ZDHHC4: variants seen among roughly 807,000 people sequenced by gnomAD.
The protein encoded by ZDHHC4 is palmitoyltransferase ZDHHC4.
Under a neutral mutation model 36.7 loss-of-function variants are expected in ZDHHC4, and 42 were observed. The observed-to-expected ratio is 1.14, with a 90% CI of 0.89 to 1.48. The LOEUF is 1.48. ZDHHC4 is among the 40% of genes most tolerant of loss of function. The pLI, the probability that ZDHHC4 is intolerant of heterozygous loss-of-function variation, is 0.00. For missense variants in ZDHHC4, 457 were observed against 421.5 expected, an observed-to-expected ratio of 1.08 and a Z score of -0.74; for synonymous variants, 189 against 166.6, an observed-to-expected ratio of 1.13 and a Z score of -1.03.
intron 6 of ZDHHC4, 181 bp from the exon 7 acceptor site, chr7:6,584,835 C>G (rs1781119674): frequency 1.2e-6 from 1 of 804,322 alleles, no homozygotes; most frequent in Non-Finnish European, 1.9e-6. Context: ...TCAATACCCA[C>G]ATTTGGCTGG....
At chr7:6,583,517 AAGC>A in intron 6 of ZDHHC4, 86 bp downstream of exon 6, 2 of 1,512,506 alleles carry the variant, frequency 1.3e-6, no homozygotes, top group Non-Finnish European at 1.8e-6. Context: ...CTGAATCCGA[AAGC>A]AGAGCCAGTT....
intron 3 of ZDHHC4, among the ~76,000 whole-genome samples, chr7:6,581,284 GA>G (rs1396417441): frequency 6.6e-6 from 1 of 152,210 alleles, no homozygotes; most frequent in South Asian, 2.1e-4. Context: ...GTGGATGCTG[GA>G]ACCTGGGATT....
Position 6,588,695 on chromosome 7 carries a change from C to T in ZDHHC4, c.820C>T (p.Leu274=). Reference sequence around the variant, plus strand: ...TCTGAGCTTCCTCCTGGGTGGCTACCTGTTGTTTGTCCTGTATCTGGCGGC... The same window carrying T: ...TCTGAGCTTCCTCCTGGGTGGCTACTTGTTGTTTGTCCTGTATCTGGCGGC... ...VVLSFLLGGY[L]LFVLYLAATN... Residue 274 remains leucine, a synonymous_variant, in exon 8 of 8, where the codon CTG becomes TTG. Coordinates refer to ENST00000335965, the MANE Select transcript of ZDHHC4 (RefSeq NM_001134389.2). 6.2e-7 allele frequency: 1 copy of T among 1,614,188 alleles called. No homozygotes were observed. The highest frequency in any genetic ancestry group is 8.5e-7 in the Non-Finnish European group (1 of 1,180,042).
At chr7:6,583,686 C>CA (rs1781030190) in intron 6 of ZDHHC4, 2 of 383,574 alleles carry the variant, frequency 5.2e-6, no homozygotes, top group Non-Finnish European at 9.2e-6. Flanking sequence ...ATGCTCCCCA[C>CA]AAGTTGTTTC....
chr7:6,588,630 CTT>C lies in ZDHHC4; in HGVS notation c.758_759del (p.Phe253SerfsTer35), dbSNP rs1781436528. 6.2e-7 allele frequency: 1 copy of C among 1,614,128 alleles called. No homozygotes were observed. The highest frequency in any genetic ancestry group is 8.5e-7 in the Non-Finnish European group (1 of 1,180,020). The stretch of plus-strand genomic sequence containing the variant: ...CTCTGCTCCTAGTACCTGTTCCTGA[CTT>C]TTCCACGGATTGTCTTCATGCTGGG... On this transcript the variant is annotated frameshift_variant, in exon 8 of 8. Coordinates refer to ENST00000335965, the MANE Select transcript of ZDHHC4 (RefSeq NM_001134389.2). LOFTEE classifies it high-confidence loss of function.
intron 6 of ZDHHC4, chr7:6,584,242 G>A (rs1781068918): frequency 6.6e-6 from 1 of 152,026 alleles, no homozygotes; most frequent in Non-Finnish European, 1.5e-5. Context: ...TTGAAATCTG[G>A]TGTGTATCTT....
chr7:6,583,768 C>A lies in ZDHHC4; in HGVS notation c.496+337C>A, dbSNP rs938255143. On this transcript the variant is annotated intron_variant, in intron 6 of 7. Coordinates refer to ENST00000335965, the MANE Select transcript of ZDHHC4 (RefSeq NM_001134389.2). ...CTGGGGAGGGCCCAAGATTCTAGAC[C>A]CGTGCTGTCTAACAAAAATAGAATG... The A allele has an allele frequency of 1.5e-5, 3 of 197,064 alleles. No homozygotes were observed. The East Asian group carries it at 4.1e-4, about 27-fold the overall frequency. The allele number at this position is 197,064 out of a possible 1,614,324, so 12.2% of individuals were successfully genotyped here. A position where few individuals can be genotyped will look rare whatever the true frequency, so the allele number is the denominator to read the frequency against.
intron 6 of ZDHHC4, among the ~76,000 whole-genome samples, chr7:6,584,526 T>C (rs1205322896): frequency 3.3e-5 from 5 of 152,192 alleles, no homozygotes; most frequent in Admixed American, 2.0e-4. Context: ...CCAAGTCAAG[T>C]AAATTAACTA....
intron 7 of ZDHHC4, among the ~76,000 whole-genome samples, chr7:6,585,705 C>G (rs1440582639): frequency 6.8e-6 from 1 of 147,062 alleles, no homozygotes; most frequent in Non-Finnish European, 1.5e-5. Context: ...ACTTGGGAGG[C>G]TGAGGCACAA....
At chr7:6,581,304 G>T (rs1174989325) in intron 3 of ZDHHC4, among the ~76,000 whole-genome samples, 4 of 152,222 alleles carry the variant, frequency 2.6e-5, no homozygotes, top group African/African-American at 4.8e-5. Flanking sequence ...TTGAACCCAG[G>T]CTGGGGAAGG....
intron 6 of ZDHHC4, 51 bp from the exon 7 acceptor site, chr7:6,584,964 TC>T: frequency 2.5e-6 from 4 of 1,605,282 alleles, no homozygotes; most frequent in Non-Finnish European, 3.4e-6. Flanking sequence ...GTGTGCGGTG[TC>T]CTTGTCTCGT....
At chr7:6,587,622 C>T (rs1781329893) in intron 7 of ZDHHC4, among the ~76,000 whole-genome samples, 1 of 152,128 alleles carries the variant, frequency 6.6e-6, no homozygotes, top group African/African-American at 2.4e-5. Flanking sequence ...TATATTAAGT[C>T]TTTTCACAAT....
rs375508426 is a variant in ZDHHC4 at position 6,583,308 on chromosome 7, A to G, written c.373A>G (p.Ile125Val). 1.9e-6 allele frequency: 3 copies of G among 1,614,006 alleles called. No homozygotes were observed. Among genetic ancestry groups the G allele is most frequent in the South Asian group, 1.1e-5 (1 of 91,026 alleles). The stretch of plus-strand genomic sequence containing the variant: ...ACATATGTCCTTACTTTTCCCAGGC[A>G]TTATAACAAAAGCAAATGAATTATT... ...FTLTCGTNPG[I>V]ITKANELLFL... The change falls in exon 6 of 8, where the codon ATT becomes GTT. Residue 125 changes from isoleucine to valine, a missense_variant and splice_region_variant. By Grantham distance (29) the Ile-to-Val change is conservative. Transcript: ENST00000335965.
chr7:6,585,538 C>T (rs1193912657), intron 7 of ZDHHC4, among the ~76,000 whole-genome samples: 1 of 152,146 alleles, frequency 6.6e-6, no homozygotes, highest in Non-Finnish European at 1.5e-5. Flanking sequence ...GGTGCAGTGG[C>T]TCATGCCTGT....
intron 7 of ZDHHC4, among the ~76,000 whole-genome samples, chr7:6,588,384 C>G (rs1253313681): frequency 6.6e-6 from 1 of 152,188 alleles, no homozygotes. Flanking sequence ...TAAACTTTCC[C>G]TTTTCCTTCA....
chr7:6,588,388 T>C (rs1181313992), intron 7 of ZDHHC4, among the ~76,000 whole-genome samples: 1 of 152,224 alleles, frequency 6.6e-6, no homozygotes, highest in Non-Finnish European at 1.5e-5. Flanking sequence ...CTTTCCCTTT[T>C]CCTTCAGTGT....
chr7:6,583,114 A>G (rs559562455), intron 5 of ZDHHC4, among the ~76,000 whole-genome samples, 192 bp from the exon 6 acceptor site: 3 of 152,180 alleles, frequency 2.0e-5, no homozygotes, highest in South Asian at 4.1e-4. Context: ...TGAGAGGCAG[A>G]GGTTGCAGTG....
intron 2 of ZDHHC4, among the ~76,000 whole-genome samples, chr7:6,580,249 C>T (rs1351018436): frequency 1.3e-5 from 2 of 152,140 alleles, no homozygotes; most frequent in African/African-American, 4.8e-5. Context: ...GATCCACCCA[C>T]CTCTGCTTCC....
Position 6,585,192 on chromosome 7 carries a change from T to A in ZDHHC4, c.673T>A (p.Leu225Ile). The A allele has an allele frequency of 6.2e-7, 1 of 1,614,194 alleles. No homozygotes were observed. Among genetic ancestry groups the A allele is most frequent in the Non-Finnish European group, 8.5e-7 (1 of 1,180,040 alleles). Residue 225 changes from leucine (L) to isoleucine (I), a missense_variant, in exon 7 of 8, where the codon TTA (leucine) becomes ATA (isoleucine). Physicochemically the swap from Leu to Ile is conservative, Grantham distance 5. Coordinates refer to ENST00000335965, the MANE Select transcript of ZDHHC4 (RefSeq NM_001134389.2). ...FLVHLVVMSD[L>I]YQETYIDDLG... Reference sequence around the variant, plus strand: ...GGTCCACTTGGTGGTGATGTCAGATTTATACCAGGAGACTTACATCGATGA... The same window carrying A: ...GGTCCACTTGGTGGTGATGTCAGATATATACCAGGAGACTTACATCGATGA...
Sources: allele counts gnomAD v4.1 joint callset (sites outside exome capture counted in the v4.1 genomes callset), GRCh38; gene constraint gnomAD v4.1.1; transcripts MANE v1.5; gene names NCBI Gene and HGNC (gene_info 2026-07-23, HGNC 2026-07-21).